MACROD2: variants seen among roughly 807,000 people sequenced by gnomAD.
The protein encoded by MACROD2 is ADP-ribose glycohydrolase MACROD2.
Under a neutral mutation model 70.4 loss-of-function variants are expected in MACROD2, and 36 were observed. That is an observed-to-expected ratio of 0.51 (90% CI 0.39 to 0.68). The LOEUF (loss-of-function observed/expected upper bound fraction) is 0.68, where lower values mean the gene tolerates loss of function less well. Ranked by LOEUF, MACROD2 falls within the 30% of genes least tolerant of loss-of-function variation. The pLI is 0.00. For missense variants in MACROD2, 496 were observed against 538.4 expected, an observed-to-expected ratio of 0.92 and a Z score of 0.78; for synonymous variants, 172 against 178.8, an observed-to-expected ratio of 0.96 and a Z score of 0.30.
At chr20:15,869,088 A>G (rs1024668409) in intron 9 of MACROD2, among the ~76,000 whole-genome samples, 4 of 151,656 alleles carry the variant, frequency 2.6e-5, no homozygotes, top group Non-Finnish European at 1.5e-5. Context: ...CACTATGCCC[A>G]GCTCTAATCT....
At chr20:16,033,473 G>A (rs2067182379) in intron 15 of MACROD2, among the ~76,000 whole-genome samples, 7 of 152,094 alleles carry the variant, frequency 4.6e-5, no homozygotes, top group Admixed American at 4.6e-4. Context: ...CCAGAGGAGG[G>A]ATATGTGGTA....
At chr20:14,349,806 CT>C (rs1375292247) in intron 3 of MACROD2, among the ~76,000 whole-genome samples, 3 of 142,668 alleles carry the variant, frequency 2.1e-5, no homozygotes, top group East Asian at 2.0e-4. Context: ...GAATCTTATT[CT>C]TTTTTTCTTT....
intron 11 of MACROD2, among the ~76,000 whole-genome samples, chr20:15,937,224 A>T: frequency 6.6e-6 from 1 of 152,340 alleles, no homozygotes; most frequent in East Asian, 1.9e-4. Context: ...ACTACTAGCA[A>T]CAAGTGGCAT....
At chr20:14,590,337 C>T (rs935981138) in intron 4 of MACROD2, among the ~76,000 whole-genome samples, 5 of 152,090 alleles carry the variant, frequency 3.3e-5, no homozygotes, top group African/African-American at 9.7e-5. Flanking sequence ...CACTCATTTA[C>T]CCATAAAAAT....
At chr20:15,382,985 T>G (rs541137010) in intron 6 of MACROD2, among the ~76,000 whole-genome samples, 1 of 152,300 alleles carries the variant, frequency 6.6e-6, no homozygotes, top group Non-Finnish European at 1.5e-5. Flanking sequence ...AGATTTTTAT[T>G]TTCATGTGCT....
At chr20:14,093,090 A>G (rs1340074380) in intron 3 of MACROD2, among the ~76,000 whole-genome samples, 1 of 151,900 alleles carries the variant, frequency 6.6e-6, no homozygotes, top group Non-Finnish European at 1.5e-5. Flanking sequence ...ATTTTACCTT[A>G]TTTTTTAAAG....
intron 2 of MACROD2, among the ~76,000 whole-genome samples, chr20:14,008,057 AAC>A (rs1472683167): frequency 6.6e-6 from 1 of 152,206 alleles, no homozygotes; most frequent in African/African-American, 2.4e-5. Context: ...CTTGAAAACG[AAC>A]ACAAGACAAA....
chr20:15,967,502 C>G (rs1370587812), intron 12 of MACROD2, 51 bp from the exon 13 acceptor site: 2 of 1,436,426 alleles, frequency 1.4e-6, no homozygotes, highest in Non-Finnish European at 1.9e-6. Context: ...GAAAGCTGCT[C>G]TGTTTCCAAG....
intron 6 of MACROD2, among the ~76,000 whole-genome samples, chr20:15,315,384 C>A (rs377110077): frequency 6.6e-6 from 1 of 152,086 alleles, no homozygotes; most frequent in Admixed American, 6.6e-5. Flanking sequence ...AAGAGACTCA[C>A]GGTGAGACAC....
At chr20:14,729,719 T>G (rs1187609417) in intron 5 of MACROD2, among the ~76,000 whole-genome samples, 1 of 152,004 alleles carries the variant, frequency 6.6e-6, no homozygotes, top group Non-Finnish European at 1.5e-5. Flanking sequence ...TTGTTAAAGG[T>G]ACACACTCTC....
chr20:15,316,371 G>A (rs535671076), intron 6 of MACROD2, among the ~76,000 whole-genome samples: 36 of 152,060 alleles, frequency 2.4e-4, no homozygotes, highest in African/African-American at 8.4e-4. Flanking sequence ...CATGCAAGTA[G>A]TAACCAAAAG....
intron 9 of MACROD2, 95 bp from the exon 10 acceptor site, chr20:15,885,669 C>T (rs1248044371): frequency 2.6e-6 from 3 of 1,148,968 alleles, no homozygotes; most frequent in Admixed American, 3.2e-5. Flanking sequence ...ATCTGTTATC[C>T]CTTTCTTTGA....
At chr20:15,352,565 AAT>A (rs1484118911) in intron 6 of MACROD2, among the ~76,000 whole-genome samples, 3 of 152,204 alleles carry the variant, frequency 2.0e-5, no homozygotes, top group African/African-American at 7.2e-5. Flanking sequence ...ATACAGCAAG[AAT>A]ATGCCATTTT....
At chr20:15,085,310 C>A (rs948586842) in intron 5 of MACROD2, among the ~76,000 whole-genome samples, 1 of 152,078 alleles carries the variant, frequency 6.6e-6, no homozygotes, top group African/African-American at 2.4e-5. Flanking sequence ...TTTAGGGATG[C>A]ATTTTCATGA....
At chr20:15,332,040 G>A (rs990273511) in intron 6 of MACROD2, among the ~76,000 whole-genome samples, 2 of 151,566 alleles carry the variant, frequency 1.3e-5, no homozygotes, top group Non-Finnish European at 2.9e-5. Context: ...GTTAATAGGT[G>A]AAAGCAAAGA....
At position 14,302,915 on chromosome 20, in the gene MACROD2, G is replaced by A. The variant is rs148608796; in HGVS notation, c.272-190564G>A. 6.6e-5 allele frequency among the ~76,000 whole-genome samples: 10 copies of A among 152,234 alleles called. No homozygotes were observed. The East Asian group carries it at 1.9e-3, about 29-fold the overall frequency. ...GACCCACCCGCCTCGGACTCCCCAA[G>A]TGCTGGGACTACAGGTGTGAGCCAC... On this transcript the variant is annotated intron_variant, in intron 3 of 17. Coordinates refer to ENST00000684519, the MANE Select transcript of MACROD2 (RefSeq NM_001351661.2).
chr20:14,128,184 C>A, intron 3 of MACROD2: 3 of 403,894 alleles, frequency 7.4e-6, no homozygotes, highest in Non-Finnish European at 9.6e-6. Context: ...GAGAGCCCAA[C>A]AAGGAACCAA....
chr20:15,452,943 C>T (rs531286313), intron 7 of MACROD2, among the ~76,000 whole-genome samples: 41 of 152,230 alleles, frequency 2.7e-4, no homozygotes, highest in African/African-American at 9.6e-4. Flanking sequence ...CTACTTTTCT[C>T]CCTATATATT....
At chr20:16,005,144 T>C (rs2066770748) in intron 15 of MACROD2, among the ~76,000 whole-genome samples, 1 of 152,210 alleles carries the variant, frequency 6.6e-6, no homozygotes, top group Non-Finnish European at 1.5e-5. Context: ...TGAAAGAAGA[T>C]GGCATTCTCT....
Sources: allele counts gnomAD v4.1 joint callset (sites outside exome capture counted in the v4.1 genomes callset), GRCh38; gene constraint gnomAD v4.1.1; transcripts MANE v1.5; gene names NCBI Gene and HGNC (gene_info 2026-07-23, HGNC 2026-07-21).